ANO10: variants seen among roughly 807,000 people sequenced by gnomAD.
ANO10 encodes the protein anoctamin 10.
ANO10 carries 77 observed loss-of-function variants against 74.7 expected under a neutral mutation model. The ratio of observed to expected loss-of-function variants is 1.03; its 90% confidence interval spans 0.86 to 1.25. The LOEUF (loss-of-function observed/expected upper bound fraction) is 1.25, where lower values mean the gene tolerates loss of function less well. Among genes scored for constraint, ANO10 ranks in the 50% most tolerant of loss-of-function variants. The pLI, the probability that ANO10 is intolerant of heterozygous loss-of-function variation, is 0.00. For missense variants in ANO10, 721 were observed against 778.1 expected, an observed-to-expected ratio of 0.93 and a Z score of 0.87; for synonymous variants, 279 against 284.9, an observed-to-expected ratio of 0.98 and a Z score of 0.21.
chr3:43,610,040 G>C (rs1278361204), intron 1 of ANO10, among the ~76,000 whole-genome samples: 1 of 151,816 alleles, frequency 6.6e-6, no homozygotes, highest in Non-Finnish European at 1.5e-5. Context: ...TGATTTTTTT[G>C]ACTTCTGTAA....
intron 12 of ANO10, among the ~76,000 whole-genome samples, chr3:43,403,299 G>A (rs1336401320): frequency 6.6e-6 from 1 of 152,254 alleles, no homozygotes; most frequent in Non-Finnish European, 1.5e-5. Context: ...CTGTCAGAGA[G>A]AAACAGAACC....
intron 12 of ANO10, among the ~76,000 whole-genome samples, chr3:43,406,329 G>T (rs1179568240): frequency 6.6e-6 from 1 of 152,208 alleles, no homozygotes. Flanking sequence ...CACAGGACGT[G>T]CAACTGTTCT....
chr3:43,462,246 CGA>C (rs2075411552), intron 11 of ANO10, among the ~76,000 whole-genome samples: 1 of 152,056 alleles, frequency 6.6e-6, no homozygotes, highest in Non-Finnish European at 1.5e-5. Context: ...GTTTGCTTTT[CGA>C]GAGAGAGGTT....
intron 10 of ANO10, among the ~76,000 whole-genome samples, chr3:43,550,309 T>C (rs183852459): frequency 3.0e-4 from 45 of 152,268 alleles, no homozygotes; most frequent in Non-Finnish European, 5.9e-4. Context: ...AAGGCACCAG[T>C]GATAAATGGT....
intron 1 of ANO10, among the ~76,000 whole-genome samples, chr3:43,612,143 T>C (rs1312722394): frequency 6.9e-5 from 1 of 14,480 alleles, no homozygotes; most frequent in Non-Finnish European, 1.2e-4. Context: ...AAATATTTTA[T>C]ATATATATAT....
At chr3:43,414,434 T>C (rs6783741) in intron 12 of ANO10, among the ~76,000 whole-genome samples, 140,174 of 152,204 alleles carry the variant, frequency 0.92, 64,783 homozygotes, top group Non-Finnish European at 0.96. Flanking sequence ...TATTCTGGCA[T>C]GAAAAGAGTA....
intron 11 of ANO10, among the ~76,000 whole-genome samples, chr3:43,451,773 A>C (rs2074889485): frequency 6.6e-6 from 1 of 152,244 alleles, no homozygotes; most frequent in Admixed American, 6.5e-5. Context: ...AAGAACTTAC[A>C]CATTCAAATA....
At chr3:43,616,768 CTTCT>C (rs1277165154) in intron 1 of ANO10, among the ~76,000 whole-genome samples, 1 of 152,158 alleles carries the variant, frequency 6.6e-6, no homozygotes, top group Non-Finnish European at 1.5e-5. Flanking sequence ...TAAGCTGTCT[CTTCT>C]TTCTGTCCCT....
intron 1 of ANO10, among the ~76,000 whole-genome samples, chr3:43,633,189 C>T (rs184702612): frequency 2.6e-5 from 4 of 152,116 alleles, no homozygotes; most frequent in Admixed American, 6.5e-5. Context: ...AAAGTTATTG[C>T]GGTTTTTGCC....
chr3:43,477,075 C>A (rs2076093907), intron 11 of ANO10, among the ~76,000 whole-genome samples: 1 of 152,174 alleles, frequency 6.6e-6, no homozygotes, highest in Admixed American at 6.5e-5. Flanking sequence ...TCCATTCCTG[C>A]TCTGCACCCC....
intron 4 of ANO10, among the ~76,000 whole-genome samples, chr3:43,592,405 G>A (rs1040089819): frequency 1.3e-5 from 2 of 152,188 alleles, no homozygotes; most frequent in Non-Finnish European, 2.9e-5. Context: ...AAAGCTTCCA[G>A]AGGAACGATC....
At position 43,585,455 on chromosome 3, in the gene ANO10, G is replaced by A. The variant is rs141199181; in HGVS notation, c.473-4983C>T. 3.1e-3 allele frequency among the ~76,000 whole-genome samples: 474 copies of A among 152,294 alleles called. 5 individuals carry two copies. Among genetic ancestry groups the A allele is most frequent in the African/African-American group, 0.01 (427 of 41,556 alleles). ...GGATACCAGACTGGCTACCTACACA[G>A]TTAGAGAAATCCATTTACATATTTC... On this transcript the variant is annotated intron_variant, in intron 4 of 12. Coordinates refer to ENST00000292246, the MANE Select transcript of ANO10 (RefSeq NM_018075.5).
chr3:43,650,135 G>T (rs2083771732), intron 1 of ANO10, among the ~76,000 whole-genome samples: 1 of 152,208 alleles, frequency 6.6e-6, no homozygotes. Flanking sequence ...GTGACACACG[G>T]ACTTGAAGGA....
chr3:43,611,003 T>C (rs1417289425), intron 1 of ANO10, among the ~76,000 whole-genome samples: 1 of 152,182 alleles, frequency 6.6e-6, no homozygotes, highest in Non-Finnish European at 1.5e-5. Flanking sequence ...CTCTACCCAA[T>C]CCTTTTTCCT....
At chr3:43,496,241 A>T (rs1169395476) in intron 11 of ANO10, among the ~76,000 whole-genome samples, 4 of 152,200 alleles carry the variant, frequency 2.6e-5, no homozygotes, top group African/African-American at 9.7e-5. Flanking sequence ...ATGCCTACTG[A>T]CAGGAGAAAA....
chr3:43,462,871 T>C (rs1259397482), intron 11 of ANO10, among the ~76,000 whole-genome samples: 4 of 152,202 alleles, frequency 2.6e-5, no homozygotes, highest in Non-Finnish European at 5.9e-5. Flanking sequence ...GGGGCCAATG[T>C]AGAGCTCAGG....
Position 43,580,353 on chromosome 3 carries a change from C to G in ANO10, c.592G>C (p.Asp198His). 1 of 1,613,774 alleles carries G rather than the reference C, an allele frequency of 6.2e-7. No individual in the cohort carries two copies. Among genetic ancestry groups the G allele is most frequent in the African/African-American group, 1.3e-5 (1 of 74,986 alleles). Residue 198 changes from aspartate to histidine, a missense_variant and splice_region_variant, in exon 5 of 13, where the codon GAC becomes CAC. By Grantham distance (81) the Asp-to-His change is moderately conservative. Transcript: ENST00000292246. Reference protein sequence around the residue: ...TRFALKYQPIDSIRGYFGETI... With the variant: ...TRFALKYQPIHSIRGYFGETI... ...TAAGAGAACAAGTACTGACACATACCTATGGGCTGATACTTCAAAGCAAAC... is the reference window on the plus strand; with the variant it reads ...TAAGAGAACAAGTACTGACACATACGTATGGGCTGATACTTCAAAGCAAAC...
At chr3:43,552,669 C>T (rs867845438) in intron 10 of ANO10, among the ~76,000 whole-genome samples, 1 of 142,714 alleles carries the variant, frequency 7.0e-6, no homozygotes, top group African/African-American at 2.6e-5. Context: ...CTTGCTTTTT[C>T]CTTCATTTCT....
At chr3:43,464,250 AC>A (rs1165480927) in intron 11 of ANO10, among the ~76,000 whole-genome samples, 1 of 152,242 alleles carries the variant, frequency 6.6e-6, no homozygotes, top group African/African-American at 2.4e-5. Context: ...CCAAAACCTG[AC>A]AAAAACATTT....
Sources: allele counts gnomAD v4.1 joint callset (sites outside exome capture counted in the v4.1 genomes callset), GRCh38; gene constraint gnomAD v4.1.1; transcripts MANE v1.5; gene names NCBI Gene and HGNC (gene_info 2026-07-23, HGNC 2026-07-21).